The following RPS6KC1 variants were observed in gnomAD, a reference collection of about 807,000 sequenced individuals.
RPS6KC1 encodes inactive ribosomal protein S6 kinase delta-1.
In RPS6KC1, 54 loss-of-function variants were observed where a neutral mutation model predicts 103.8. That is an observed-to-expected ratio of 0.52 (90% CI 0.42 to 0.65). The LOEUF (loss-of-function observed/expected upper bound fraction) is 0.65, where lower values mean the gene tolerates loss of function less well. RPS6KC1 is among the 30% of genes least tolerant of loss of function. The probability of loss-of-function intolerance (pLI) is 0.00; values close to 1 mark genes in which losing one functional copy is unlikely to be tolerated. For missense variants in RPS6KC1, 1,151 were observed against 1,253.8 expected (o/e 0.92, Z 1.24); for synonymous variants, 439 against 438.7 (o/e 1.00, Z -0.01).
the RPS6KC1 span, among the ~76,000 whole-genome samples, chr1:213,391,378 C>G: frequency 6.6e-6 from 1 of 152,100 alleles, no homozygotes; most frequent in Non-Finnish European, 1.5e-5. Flanking sequence ...ACCAGTACAA[C>G]TTGCTGATGG....
chr1:213,339,959 C>A, the RPS6KC1 span, among the ~76,000 whole-genome samples: 2 of 152,022 alleles, frequency 1.3e-5, no homozygotes, highest in South Asian at 4.1e-4. Context: ...ATGGCGCGAT[C>A]TTGGCTCACT....
In RPS6KC1 at chr1:213,274,207, C is replaced by G. The variant is rs2095098602; in HGVS notation, c.*1573C>G. Reference sequence around the variant, plus strand: ...TAGTTCAGTCAAAATGACATCACTCCCTGGAACTAGATTTCAACTCACTAG... The same window carrying G: ...TAGTTCAGTCAAAATGACATCACTCGCTGGAACTAGATTTCAACTCACTAG... On this transcript the variant is annotated 3_prime_UTR_variant, in exon 15 of 15. Coordinates refer to ENST00000366960, the MANE Select transcript of RPS6KC1 (RefSeq NM_012424.6). 6.6e-6 allele frequency: 1 copy of G among 152,162 alleles called. No individual in the cohort carries two copies. The highest frequency in any genetic ancestry group is 2.4e-5 in the African/African-American group (1 of 41,428). The allele number at this position is 152,162 out of a possible 1,614,324, so 9.4% of individuals were successfully genotyped here. A position where few individuals can be genotyped will look rare whatever the true frequency, so the allele number is the denominator to read the frequency against.
At chr1:213,628,414 T>A in the RPS6KC1 span, among the ~76,000 whole-genome samples, 1 of 151,390 alleles carries the variant, frequency 6.6e-6, no homozygotes, top group African/African-American at 2.4e-5. Context: ...TTTGTGTCTC[T>A]ATTTCCTTCA....
the RPS6KC1 span, among the ~76,000 whole-genome samples, chr1:213,322,911 CTTTTTTTTT>C: frequency 8.2e-5 from 3 of 36,604 alleles, no homozygotes; most frequent in African/African-American, 3.5e-4. Context: ...CCATGCCCAG[CTTTTTTTTT>C]TTTTTTTTTT....
chr1:213,505,844 T>C, the RPS6KC1 span, among the ~76,000 whole-genome samples: 1 of 152,334 alleles, frequency 6.6e-6, no homozygotes, highest in African/African-American at 2.4e-5. Context: ...GTGGTCCTTA[T>C]CTACTTCATG....
At chr1:213,534,309 T>C in the RPS6KC1 span, among the ~76,000 whole-genome samples, 11 of 152,364 alleles carry the variant, frequency 7.2e-5, no homozygotes, top group Non-Finnish European at 1.2e-4. Context: ...CAGAGACTTA[T>C]TGAAGATCAT....
the RPS6KC1 span, among the ~76,000 whole-genome samples, chr1:213,752,616 A>G: frequency 6.6e-6 from 1 of 152,200 alleles, no homozygotes; most frequent in African/African-American, 2.4e-5. Flanking sequence ...GCATTGATCC[A>G]TGGAGGGAAA....
chr1:213,410,384 C>T, the RPS6KC1 span, among the ~76,000 whole-genome samples: 1 of 151,964 alleles, frequency 6.6e-6, no homozygotes, highest in Non-Finnish European at 1.5e-5. Flanking sequence ...GGAGGCAGGT[C>T]AGTGATGGGG....
chr1:213,347,577 A>C, the RPS6KC1 span, among the ~76,000 whole-genome samples: 1 of 152,016 alleles, frequency 6.6e-6, no homozygotes, highest in Non-Finnish European at 1.5e-5. Context: ...GGAGGCATGC[A>C]CCTGTAGTCC....
At chr1:213,729,906 G>A in the RPS6KC1 span, among the ~76,000 whole-genome samples, 3 of 151,670 alleles carry the variant, frequency 2.0e-5, no homozygotes, top group East Asian at 1.9e-4. Context: ...TTATTTTTCC[G>A]GATCTTCTCC....
At chr1:213,710,271 G>A in the RPS6KC1 span, among the ~76,000 whole-genome samples, 1 of 152,264 alleles carries the variant, frequency 6.6e-6, no homozygotes, top group Non-Finnish European at 1.5e-5. Context: ...ATTATGTAAT[G>A]CCCTTCTTTG....
the RPS6KC1 span, among the ~76,000 whole-genome samples, chr1:213,297,926 G>A: frequency 5.4e-3 from 824 of 152,308 alleles, 8 homozygotes; most frequent in African/African-American, 0.016. Flanking sequence ...CCTAAGGTTT[G>A]GTTTTGATGT....
At chr1:213,443,144 C>G in the RPS6KC1 span, among the ~76,000 whole-genome samples, 1 of 152,088 alleles carries the variant, frequency 6.6e-6, no homozygotes, top group Non-Finnish European at 1.5e-5. Context: ...AGTAGGAGTC[C>G]TGTACTAGGC....
chr1:213,803,367 C>T, the RPS6KC1 span, among the ~76,000 whole-genome samples: 3 of 151,792 alleles, frequency 2.0e-5, no homozygotes, highest in Admixed American at 2.0e-4. Flanking sequence ...CTGCCTCAGC[C>T]TCCCAAGTAG....
At chr1:213,317,095 G>C in the RPS6KC1 span, among the ~76,000 whole-genome samples, 6 of 152,318 alleles carry the variant, frequency 3.9e-5, 1 homozygote, top group African/African-American at 1.4e-4. Context: ...GTATGTTTCA[G>C]AAAGACCAAG....
the RPS6KC1 span, among the ~76,000 whole-genome samples, chr1:213,371,143 C>G: frequency 1.3e-5 from 2 of 152,122 alleles, no homozygotes; most frequent in African/African-American, 4.8e-5. Flanking sequence ...AACTGTCCTT[C>G]TACCTGCTGG....
intron 12 of RPS6KC1, among the ~76,000 whole-genome samples, chr1:213,245,778 C>G (rs1232076417): frequency 1.3e-5 from 2 of 152,094 alleles, no homozygotes; most frequent in East Asian, 1.9e-4. Flanking sequence ...ACACAGAAAC[C>G]TGTGAATCAA....
the RPS6KC1 span, among the ~76,000 whole-genome samples, chr1:213,668,370 G>A: frequency 6.6e-6 from 1 of 151,896 alleles, no homozygotes; most frequent in Non-Finnish European, 1.5e-5. Flanking sequence ...TCAATGAGCA[G>A]CAATCTTCTG....
rs144935605 is a variant in RPS6KC1 at position 213,272,793 on chromosome 1, C to T, written c.*159C>T. The T allele has an allele frequency of 2.1e-3, 1,174 of 563,970 alleles. 9 individuals carry two copies. The highest frequency in any genetic ancestry group is 0.018 in the African/African-American group (951 of 53,010). The allele number at this position is 563,970 out of a possible 1,614,324, so 34.9% of individuals were successfully genotyped here. On this transcript the variant is annotated 3_prime_UTR_variant, in exon 15 of 15. Coordinates refer to ENST00000366960, the MANE Select transcript of RPS6KC1 (RefSeq NM_012424.6). The stretch of plus-strand genomic sequence containing the variant: ...GGGAAATGGCTAAAAGAGAACAATT[C>T]GTTTACAATTACAAGATATTAGCTA...
Sources: allele counts gnomAD v4.1 joint callset (sites outside exome capture counted in the v4.1 genomes callset), GRCh38; gene constraint gnomAD v4.1.1; transcripts MANE v1.5; gene names NCBI Gene and HGNC (gene_info 2026-07-23, HGNC 2026-07-21).